HPD: variants seen among roughly 807,000 people sequenced by gnomAD.
The protein encoded by HPD is 4-hydroxyphenylpyruvate dioxygenase.
In HPD, 35 loss-of-function variants were observed where a neutral mutation model predicts 56.9. The ratio of observed to expected loss-of-function variants is 0.62; its 90% CI spans 0.47 to 0.82. HPD has a LOEUF of 0.82. Among genes scored for constraint, HPD ranks in the 40% least tolerant of loss-of-function variants. HPD has a pLI of 0.00. For missense variants in HPD, 442 were observed against 506.8 expected (o/e 0.87, Z 1.23); for synonymous variants, 186 against 200.2 (o/e 0.93, Z 0.60).
At chr12:121,870,598 T>G in the HPD span, among the ~76,000 whole-genome samples, 1 of 149,982 alleles carries the variant, frequency 6.7e-6, no homozygotes, top group East Asian at 1.9e-4. Flanking sequence ...ATTGAAGGTT[T>G]TTTTTTTTTT....
chr12:121,881,141 A>G, the HPD span, among the ~76,000 whole-genome samples: 3 of 152,188 alleles, frequency 2.0e-5, no homozygotes, highest in African/African-American at 7.2e-5. Flanking sequence ...CGCTCTGCCC[A>G]GGTACTAAAT....
At chr12:121,843,953 T>C (rs1028095391) in intron 11 of HPD, 121 bp from the exon 12 acceptor site, 20 of 1,128,606 alleles carry the variant, frequency 1.8e-5, no homozygotes, top group Non-Finnish European at 2.5e-5. Context: ...ACTGCCAGGA[T>C]GCTGTGTGGC....
Position 121,854,810 on chromosome 12 carries a change from T to G in HPD, c.325-18A>C. The G allele has an allele frequency of 6.3e-7, 1 of 1,599,104 alleles. No individual in the cohort carries two copies. ...CGTGCTTTCTGCAGAGAAGATGGGA[T>G]CGGGGAATTGGTGAGGGCTGGAGCC... On this transcript the variant is annotated intron_variant, in intron 6 of 13. Transcript: ENST00000289004.
intron 7 of HPD, among the ~76,000 whole-genome samples, chr12:121,850,116 T>C (rs1001928711): frequency 3.3e-5 from 5 of 151,740 alleles, no homozygotes; most frequent in African/African-American, 1.2e-4. Context: ...CAGGAGGGCA[T>C]TGGATTAAAT....
chr12:121,842,342 G>T (rs961133925), intron 12 of HPD, among the ~76,000 whole-genome samples: 9 of 151,708 alleles, frequency 5.9e-5, no homozygotes, highest in Admixed American at 1.3e-4. Context: ...TGTTTCTCAG[G>T]CTGGTCTTAA....
At chr12:121,854,849 G>T (rs1230085341) in intron 6 of HPD, 57 bp from the exon 7 acceptor site, 10 of 1,356,454 alleles carry the variant, frequency 7.4e-6, no homozygotes, top group Non-Finnish European at 1.1e-5. Context: ...CAGAACCCTT[G>T]CCTGCTGCTC....
chr12:121,887,002 C>T, the HPD span, among the ~76,000 whole-genome samples: 29 of 152,106 alleles, frequency 1.9e-4, no homozygotes, highest in Non-Finnish European at 3.7e-4. Context: ...CCGGTTCAAG[C>T]GATTCTCCTG....
At chr12:121,862,919 A>G (rs1878220746), upstream of HPD, among the ~76,000 whole-genome samples, 1 of 149,362 alleles carries the variant, frequency 6.7e-6, no homozygotes, top group African/African-American at 2.5e-5. Context: ...TGACCTCGTG[A>G]TTCGCTCGCC....
chr12:121,869,350 C>CA, the HPD span, among the ~76,000 whole-genome samples: 105 of 115,464 alleles, frequency 9.1e-4, no homozygotes, highest in East Asian at 3.4e-3. Context: ...AACTTCGTCT[C>CA]AAAAAAAAAA....
chr12:121,874,433 A>G, the HPD span: 1 of 152,078 alleles, frequency 6.6e-6, no homozygotes, highest in Non-Finnish European at 1.5e-5. Context: ...CCTGGCCAAC[A>G]TGGTGAAACC....
At chr12:121,844,806 G>A (rs1490480557) in intron 11 of HPD, among the ~76,000 whole-genome samples, 7 of 150,972 alleles carry the variant, frequency 4.6e-5, no homozygotes, top group African/African-American at 1.5e-4. Context: ...GCGTAAACCC[G>A]GGAGGCAGAG....
chr12:121,855,733 G>A (rs2620334), intron 6 of HPD, among the ~76,000 whole-genome samples: 75,095 of 150,056 alleles, frequency 0.5, 19,004 homozygotes, highest in East Asian at 0.79. Context: ...ACACACAAAA[G>A]AAAGAAAAAG....
chr12:121,848,307 T>TTTA lies in HPD; in HGVS notation c.596+689_596+691dup, dbSNP rs752613707. 9.9e-4 allele frequency among the ~76,000 whole-genome samples: 151 copies of TTTA among 152,024 alleles called. 1 individual carries two copies. The highest frequency in any genetic ancestry group is 6.8e-3 in the Admixed American group (104 of 15,228). On this transcript the variant is annotated intron_variant, in intron 9 of 13. Transcript: ENST00000289004. ...ATTTTCCACTTTTATTTTATTTTAC[T>TTTA]TTATTATTATTATTATTATTTTGAG...
At position 121,849,878 on chromosome 12, in the gene HPD, G is replaced by A. The variant is rs985051545; in HGVS notation, c.415-88C>T. 18 of 835,020 alleles carry A rather than the reference G, an allele frequency of 2.2e-5. No homozygotes were observed. In the Admixed American group the frequency reaches 3.1e-4, roughly 14 times the overall value. The allele number at this position is 835,020 out of a possible 1,614,324, so 51.7% of individuals were successfully genotyped here. A position where few individuals can be genotyped will look rare whatever the true frequency, so the allele number is the denominator to read the frequency against. ...ATTTCATAGCGCTAACGTAGCCCCG[G>A]GTTCCAACCTGCATCTGACCCTAAC... is the stretch of plus-strand genomic sequence containing the variant. On this transcript the variant is annotated intron_variant, in intron 7 of 13. Transcript: ENST00000289004.
At chr12:121,842,421 G>A (rs1374378597) in intron 12 of HPD, among the ~76,000 whole-genome samples, 1 of 151,872 alleles carries the variant, frequency 6.6e-6, no homozygotes, top group Non-Finnish European at 1.5e-5. Flanking sequence ...GTGAGCCACT[G>A]TGTCTGGCCT....
the HPD span, among the ~76,000 whole-genome samples, chr12:121,881,521 C>A: frequency 1.7e-4 from 26 of 152,256 alleles, no homozygotes; most frequent in African/African-American, 6.3e-4. Context: ...ACAACTCTCT[C>A]TAGGTTTCCA....
At chr12:121,874,255 A>G in the HPD span, 1 of 152,196 alleles carries the variant, frequency 6.6e-6, no homozygotes, top group Non-Finnish European at 1.5e-5. Flanking sequence ...CTTTGTGGCT[A>G]GAAAATGCTT....
chr12:121,857,577 GCA>G, intron 3 of HPD, 145 bp from the exon 4 acceptor site: 1 of 823,834 alleles, frequency 1.2e-6, no homozygotes. Context: ...ACTGCTGCCT[GCA>G]CATTTTGCTG....
the HPD span, among the ~76,000 whole-genome samples, chr12:121,877,069 G>A: frequency 2.0e-5 from 3 of 147,882 alleles, no homozygotes; most frequent in East Asian, 5.9e-4. Context: ...ACTCTAGCCT[G>A]GGTGACACAG....
Sources: allele counts gnomAD v4.1 joint callset (sites outside exome capture counted in the v4.1 genomes callset), GRCh38; gene constraint gnomAD v4.1.1; transcripts MANE v1.5; gene names NCBI Gene and HGNC (gene_info 2026-07-23, HGNC 2026-07-21).